TMEM70: variants seen among roughly 807,000 people sequenced by gnomAD.
The protein encoded by TMEM70 is transmembrane protein 70, mitochondrial.
TMEM70 carries 15 observed loss-of-function variants against 20.5 expected under a neutral mutation model. The ratio of observed to expected loss-of-function variants is 0.73; its 90% confidence interval spans 0.49 to 1.13. TMEM70 has a LOEUF of 1.13. Among genes scored for constraint, TMEM70 ranks in the 50% most tolerant of loss-of-function variants. The probability of loss-of-function intolerance (pLI) is 0.00; values close to 1 mark genes in which losing one functional copy is unlikely to be tolerated. For synonymous variants in TMEM70, 141 were observed against 134.2 expected, an observed-to-expected ratio of 1.05 and a Z score of -0.35; for missense variants, 344 against 331.7, an observed-to-expected ratio of 1.04 and a Z score of -0.29.
chr8:73,977,760 C>T (rs964602274), intron 1 of TMEM70, among the ~76,000 whole-genome samples: 2 of 152,122 alleles, frequency 1.3e-5, no homozygotes, highest in African/African-American at 2.4e-5. Flanking sequence ...TCAGCCTCCC[C>T]AGTAGCTGGG....
intron 2 of TMEM70, among the ~76,000 whole-genome samples, chr8:73,979,417 T>C (rs1181921780): frequency 6.6e-6 from 1 of 152,212 alleles, no homozygotes; most frequent in Non-Finnish European, 1.5e-5. Flanking sequence ...CCAAATAAAC[T>C]TTATAATCAA....
intron 1 of TMEM70, 103 bp downstream of exon 1, chr8:73,976,594 C>G: frequency 8.3e-7 from 1 of 1,208,356 alleles, no homozygotes; most frequent in Non-Finnish European, 1.1e-6. Context: ...CCCAGGTGTC[C>G]GTGGCTGGAG....
At chr8:73,979,062 C>A in intron 2 of TMEM70, 1 of 699,822 alleles carries the variant, frequency 1.4e-6, no homozygotes, top group Non-Finnish European at 2.5e-6. Flanking sequence ...GAGACAGAGT[C>A]TCACTCTGTT....
intron 2 of TMEM70, among the ~76,000 whole-genome samples, chr8:73,980,400 G>A (rs1815763505): frequency 6.7e-6 from 1 of 149,042 alleles, no homozygotes; most frequent in South Asian, 2.1e-4. Context: ...ATGGAGTCTC[G>A]CTTTGTCTCC....
rs66498650 is a variant in TMEM70 at position 73,982,406 on chromosome 8, G to A, written c.*785G>A. On this transcript the variant is annotated 3_prime_UTR_variant, in exon 3 of 3. Transcript: ENST00000312184. ...CATTGACTTGCGCAGTCCTCAGATA[G>A]TTAAGCAGATTACTTCCATCAGTAT... The A allele has an allele frequency of 0.037, 29,515 of 795,512 alleles. 701 individuals are homozygous for A. The highest frequency in any genetic ancestry group is 0.046 in the Non-Finnish European group (21,444 of 468,650). The allele number at this position is 795,512 out of a possible 1,614,324, so 49.3% of individuals were successfully genotyped here.
chr8:73,978,380 C>T (rs1461210750), intron 1 of TMEM70, among the ~76,000 whole-genome samples: 3 of 150,380 alleles, frequency 2.0e-5, no homozygotes, highest in African/African-American at 4.9e-5. Context: ...AGCCACTGCA[C>T]CTGCATTACA....
In TMEM70 at chr8:73,981,186, G is replaced by A; in HGVS notation, c.348G>A (p.Leu116=). The A allele has an allele frequency of 6.2e-7, 1 of 1,613,938 alleles. No homozygotes were observed. Among genetic ancestry groups the A allele is most frequent in the Non-Finnish European group, 8.5e-7 (1 of 1,179,942 alleles). Residue 116 remains leucine, a synonymous_variant, in exon 3 of 3, where the codon CTG becomes CTA. Coordinates refer to ENST00000312184, the MANE Select transcript of TMEM70 (RefSeq NM_017866.6). ...AATGTTTCTCTTATTCTACGAGTCT[G>A]ATTGGCCTTACATTTCTGCCATACA... ...GVKCFSYSTS[L]IGLTFLPYIF...
In TMEM70 at chr8:73,976,221, CG is replaced by C. The variant is rs1815636931; in HGVS notation, c.-60del. 6.8e-7 allele frequency: 1 copy of C among 1,479,310 alleles called. No homozygotes were observed. Among genetic ancestry groups the C allele is most frequent in the Non-Finnish European group, 9.2e-7 (1 of 1,083,888 alleles). 91.6% of individuals were successfully genotyped at this position (1,479,310 alleles called of 1,614,324 possible). On this transcript the variant is annotated 5_prime_UTR_variant, in exon 1 of 3. Coordinates refer to ENST00000312184, the MANE Select transcript of TMEM70 (RefSeq NM_017866.6). ...CTTGTGCGGCAGTCGGGTGGGAAGCCGTGTCTCGCAGTCGTGGACTCGTGCA... is the reference window on the plus strand; with the variant it reads ...CTTGTGCGGCAGTCGGGTGGGAAGCCTGTCTCGCAGTCGTGGACTCGTGCA...
chr8:73,982,269 T>G lies in TMEM70; in HGVS notation c.*648T>G. 1.7e-6 allele frequency: 1 copy of G among 606,022 alleles called. No homozygotes were observed. Among genetic ancestry groups the G allele is most frequent in the East Asian group, 3.9e-5 (1 of 25,444 alleles). 37.5% of individuals were successfully genotyped at this position (606,022 alleles called of 1,614,324 possible). On this transcript the variant is annotated 3_prime_UTR_variant, in exon 3 of 3. Coordinates refer to ENST00000312184, the MANE Select transcript of TMEM70 (RefSeq NM_017866.6). ...CTGAGGAGCAAAGGAAAAGAATCAGTGAAAGGACCAGTTTGAATGCCTACC... is the reference window on the plus strand; with the variant it reads ...CTGAGGAGCAAAGGAAAAGAATCAGGGAAAGGACCAGTTTGAATGCCTACC...
At position 73,976,228 on chromosome 8, in the gene TMEM70, C is replaced by A. The variant is rs779845729; in HGVS notation, c.-54C>A. The A allele has an allele frequency of 6.6e-7, 1 of 1,508,976 alleles. No homozygotes were observed. The highest frequency in any genetic ancestry group is 1.8e-5 in the Admixed American group (1 of 55,696). 93.5% of individuals were successfully genotyped at this position (1,508,976 alleles called of 1,614,324 possible). On this transcript the variant is annotated 5_prime_UTR_variant, in exon 1 of 3. Transcript: ENST00000312184. The stretch of plus-strand genomic sequence containing the variant: ...GGCAGTCGGGTGGGAAGCCGTGTCT[C>A]GCAGTCGTGGACTCGTGCAGCTGGG...
chr8:73,978,155 C>T (rs147924992), intron 1 of TMEM70, among the ~76,000 whole-genome samples: 2,291 of 151,864 alleles, frequency 0.015, 40 homozygotes, highest in African/African-American at 0.048. Context: ...GGTGTGATCT[C>T]GGACCACTGC....
At position 73,976,381 on chromosome 8, in the gene TMEM70, G is replaced by T; in HGVS notation, c.100G>T (p.Ala34Ser). The T allele has an allele frequency of 6.3e-7, 1 of 1,595,036 alleles. No homozygotes were observed. The highest frequency in any genetic ancestry group is 1.1e-5 in the South Asian group (1 of 90,132). The change falls in exon 1 of 3, where the codon GCC becomes TCC. Residue 34 changes from alanine to serine, a missense_variant. Physicochemically the swap from Ala to Ser is moderately conservative, Grantham distance 99. Transcript: ENST00000312184. ...GGCCGCCGCGCTCCGAGGTCCCCGG[G>T]CCTCTGTCTCCCGGGCGTCCTCCAG... ...CAAAALRGPRASVSRASSSSG... is the reference protein window; with the variant it reads ...CAAAALRGPRSSVSRASSSSG...
intron 1 of TMEM70, among the ~76,000 whole-genome samples, chr8:73,977,175 A>G (rs1053829696): frequency 6.6e-6 from 1 of 152,164 alleles, no homozygotes; most frequent in African/African-American, 2.4e-5. Context: ...TAGGATTTCA[A>G]GTAAATTTTA....
chr8:73,981,528 A>T lies in TMEM70; in HGVS notation c.690A>T (p.Glu230Asp), dbSNP rs775263377. ...LVNPVLFPNR[E>D]DYIHLMGYDK... ...ATCCAGTGCTCTTTCCAAACCGTGA[A>T]GACTATATCCATCTAATGGGTTATG... Residue 230 changes from glutamate (E) to aspartate (D), a missense_variant, in exon 3 of 3, where the codon GAA becomes GAT. By Grantham distance (45) the Glu-to-Asp change is conservative. Coordinates refer to ENST00000312184, the MANE Select transcript of TMEM70 (RefSeq NM_017866.6). The T allele has an allele frequency of 6.2e-7, 1 of 1,613,984 alleles. No individual in the cohort carries two copies. Among genetic ancestry groups the T allele is most frequent in the South Asian group, 1.1e-5 (1 of 91,088 alleles).
At chr8:73,978,097 A>AT (rs1815696866) in intron 1 of TMEM70, among the ~76,000 whole-genome samples, 2 of 151,850 alleles carry the variant, frequency 1.3e-5, no homozygotes, top group East Asian at 1.9e-4. Flanking sequence ...ATTTTATTTT[A>AT]TTTTTTTGAG....
chr8:73,978,878 G>T lies in TMEM70; in HGVS notation c.316+17G>T, dbSNP rs1815719139. 6.2e-7 allele frequency: 1 copy of T among 1,613,484 alleles called. No individual in the cohort carries two copies. The highest frequency in any genetic ancestry group is 1.3e-5 in the African/African-American group (1 of 74,880). ...CAGTGTTTGGTAAGTAATTGGAGGT[G>T]GGTGTACTTACTTTGTTTTTTTCTC... On this transcript the variant is annotated intron_variant, in intron 2 of 2. Transcript: ENST00000312184.
rs1815646967 is a variant in TMEM70 at position 73,976,387 on chromosome 8, G to A, written c.106G>A (p.Val36Ile). ...CGCGCTCCGAGGTCCCCGGGCCTCT[G>A]TCTCCCGGGCGTCCTCCAGCAGCGG... ...AAALRGPRASVSRASSSSGPS... is the reference protein window; with the variant it reads ...AAALRGPRASISRASSSSGPS... The change falls in exon 1 of 3, where the codon GTC (valine) becomes ATC (isoleucine). Residue 36 changes from valine (V) to isoleucine (I), a missense_variant. Transcript: ENST00000312184. 6.3e-7 allele frequency: 1 copy of A among 1,593,460 alleles called. No homozygotes were observed. The highest frequency in any genetic ancestry group is 8.5e-7 in the Non-Finnish European group (1 of 1,177,374).
intron 2 of TMEM70, among the ~76,000 whole-genome samples, chr8:73,980,729 GC>G: frequency 6.6e-6 from 1 of 152,088 alleles, no homozygotes; most frequent in Non-Finnish European, 1.5e-5. Flanking sequence ...TTAATCCTGG[GC>G]ACTTAGCCTG....
rs868357414 is a variant in TMEM70, at chr8:73,976,474, C to T, written c.193C>T (p.Arg65Cys). 1 of 1,539,380 alleles carries T rather than the reference C, an allele frequency of 6.5e-7. No individual in the cohort carries two copies. The highest frequency in any genetic ancestry group is 1.4e-5 in the African/African-American group (1 of 73,328). ...TTCGGGAGCCGCGCGCCTTCTCCGG[C>T]GTCCGGGTCGAGCGCAGGTAGGGCG... ...GPSGAARLLRRPGRAQIPVYW... is the reference protein window; with the variant it reads ...GPSGAARLLRCPGRAQIPVYW... The change falls in exon 1 of 3, where the codon CGT becomes TGT. Residue 65 changes from arginine (R) to cysteine (C), a missense_variant. Arg to Cys is a radical substitution (Grantham distance 180, BLOSUM62 -3). Coordinates refer to ENST00000312184, the MANE Select transcript of TMEM70 (RefSeq NM_017866.6).
Sources: allele counts gnomAD v4.1 joint callset (sites outside exome capture counted in the v4.1 genomes callset), GRCh38; gene constraint gnomAD v4.1.1; transcripts MANE v1.5; gene names NCBI Gene and HGNC (gene_info 2026-07-23, HGNC 2026-07-21).